Variants in CRTAC1 observed in about 807,000 individuals in gnomAD.
The protein encoded by CRTAC1 is cartilage acidic protein 1.
Under a neutral mutation model 67.8 loss-of-function variants are expected in CRTAC1, and 37 were observed. The ratio of observed to expected loss-of-function variants is 0.55; its 90% CI spans 0.42 to 0.72. CRTAC1 has a LOEUF of 0.72. Ranked by LOEUF, CRTAC1 falls within the 30% of genes least tolerant of loss-of-function variation. The pLI is 0.00. For missense variants in CRTAC1, 780 were observed against 931.6 expected (o/e 0.84, Z 2.12); for synonymous variants, 348 against 371.0 (o/e 0.94, Z 0.71).
intron 14 of CRTAC1, 72 bp downstream of exon 14, chr10:97,880,177 G>A: frequency 6.4e-7 from 1 of 1,554,258 alleles, no homozygotes; most frequent in South Asian, 1.2e-5. Context: ...CCTTGATCTG[G>A]GGCCTACCCA....
intron 11 of CRTAC1, among the ~76,000 whole-genome samples, chr10:97,890,121 T>C (rs938884457): frequency 1.6e-5 from 2 of 124,784 alleles, no homozygotes; most frequent in Non-Finnish European, 1.9e-5. Context: ...ACACACACTC[T>C]CACACGTGTA....
At position 97,901,652 on chromosome 10, in the gene CRTAC1, A is replaced by G. The variant is rs762728485; in HGVS notation, c.997-13T>C. 6.2e-6 allele frequency: 10 copies of G among 1,613,832 alleles called. No homozygotes were observed. Among genetic ancestry groups the G allele is most frequent in the Non-Finnish European group, 8.5e-6 (10 of 1,179,908 alleles). The stretch of plus-strand genomic sequence containing the variant: ...GTGAGGCGATGTCCTGGAGGAAACA[A>G]GGCTGGGGGTCAGTGGCAGGAGAGT... On this transcript the variant is annotated splice_polypyrimidine_tract_variant and intron_variant, in intron 7 of 14. Transcript: ENST00000370597.
chr10:98,010,370 G>A (rs545450728), intron 2 of CRTAC1, among the ~76,000 whole-genome samples: 5 of 152,246 alleles, frequency 3.3e-5, no homozygotes, highest in African/African-American at 1.2e-4. Context: ...AATGGTGATT[G>A]GCAGAAATTT....
chr10:98,001,816 G>A (rs984764908), intron 2 of CRTAC1, among the ~76,000 whole-genome samples: 5 of 152,218 alleles, frequency 3.3e-5, no homozygotes, highest in African/African-American at 1.2e-4. Context: ...TTTCCTTAGA[G>A]GGAAAATTAA....
At chr10:98,023,979 A>G (rs533059877) in intron 1 of CRTAC1, among the ~76,000 whole-genome samples, 2 of 152,364 alleles carry the variant, frequency 1.3e-5, no homozygotes, top group East Asian at 3.9e-4. Flanking sequence ...GGGAACTTCC[A>G]GCTCCCAGGC....
At chr10:98,024,033 A>C (rs551140849) in intron 1 of CRTAC1, among the ~76,000 whole-genome samples, 29 of 152,340 alleles carry the variant, frequency 1.9e-4, no homozygotes, top group Admixed American at 1.8e-3. Context: ...GCACAACATG[A>C]TGCTTCCTTT....
At chr10:97,915,010 G>A (rs1040390522) in intron 5 of CRTAC1, among the ~76,000 whole-genome samples, 4 of 151,832 alleles carry the variant, frequency 2.6e-5, no homozygotes, top group Non-Finnish European at 4.4e-5. Flanking sequence ...TCCCCCTCCC[G>A]CAGTGCTGAA....
At chr10:97,891,097 T>C (rs1388168160) in intron 11 of CRTAC1, among the ~76,000 whole-genome samples, 1 of 152,252 alleles carries the variant, frequency 6.6e-6, no homozygotes, top group Non-Finnish European at 1.5e-5. Flanking sequence ...TTCAGTTTTA[T>C]GTTTGGCACA....
chr10:97,891,538 C>A (rs980265671), intron 11 of CRTAC1, among the ~76,000 whole-genome samples: 1 of 152,274 alleles, frequency 6.6e-6, no homozygotes, highest in African/African-American at 2.4e-5. Context: ...GTGTCCAGAT[C>A]TGCCTTGCAT....
intron 2 of CRTAC1, among the ~76,000 whole-genome samples, chr10:98,004,310 C>A (rs1842744313): frequency 6.6e-6 from 1 of 152,212 alleles, no homozygotes; most frequent in Admixed American, 6.5e-5. Flanking sequence ...TTAATAGCAG[C>A]AGCTTCCTTT....
chr10:97,883,457 C>T (rs1436106699), intron 12 of CRTAC1, among the ~76,000 whole-genome samples: 5 of 152,288 alleles, frequency 3.3e-5, no homozygotes, highest in Non-Finnish European at 7.4e-5. Context: ...GGACTAAAAA[C>T]GTAACACACA....
At chr10:97,945,298 G>A (rs977751550) in intron 2 of CRTAC1, among the ~76,000 whole-genome samples, 10 of 152,096 alleles carry the variant, frequency 6.6e-5, no homozygotes, top group Admixed American at 1.3e-4. Context: ...TAAGAATACA[G>A]GGATCCCAGA....
chr10:97,945,291 G>A (rs2051246443), intron 2 of CRTAC1, among the ~76,000 whole-genome samples: 1 of 152,122 alleles, frequency 6.6e-6, no homozygotes, highest in Non-Finnish European at 1.5e-5. Flanking sequence ...AGGGTAATAA[G>A]AATACAGGGA....
At chr10:97,991,324 A>T (rs1842451159) in intron 2 of CRTAC1, among the ~76,000 whole-genome samples, 1 of 151,698 alleles carries the variant, frequency 6.6e-6, no homozygotes, top group Non-Finnish European at 1.5e-5. Flanking sequence ...GAGGAGAAAG[A>T]ATCACTTAAA....
At chr10:97,905,645 G>A (rs1238380711) in intron 6 of CRTAC1, among the ~76,000 whole-genome samples, 2 of 152,244 alleles carry the variant, frequency 1.3e-5, no homozygotes, top group South Asian at 2.1e-4. Flanking sequence ...GGTACACGCA[G>A]CATCTATCTC....
chr10:97,919,918 G>T (rs987789467), intron 4 of CRTAC1, among the ~76,000 whole-genome samples: 34 of 151,064 alleles, frequency 2.3e-4, no homozygotes, highest in South Asian at 1.5e-3. Context: ...TTTTTTTTTT[G>T]TTTGTTTGTT....
chr10:98,005,098 ATATTTTTTT>A (rs1451469518), intron 2 of CRTAC1, among the ~76,000 whole-genome samples: 6 of 38,210 alleles, frequency 1.6e-4, no homozygotes, highest in African/African-American at 6.5e-4. Flanking sequence ...ATATATATAT[ATATTTTTTT>A]TTTTTTTTTT....
At chr10:97,954,470 C>T (rs1353807982) in intron 2 of CRTAC1, among the ~76,000 whole-genome samples, 2 of 152,156 alleles carry the variant, frequency 1.3e-5, no homozygotes, top group Non-Finnish European at 2.9e-5. Context: ...GAGCAGTGAC[C>T]CAGATTCTGC....
rs746218337 is a variant in CRTAC1, at chr10:97,884,247, G to T, written c.1591C>A (p.Pro531Thr). The change falls in exon 12 of 15, where the codon CCC becomes ACC. Residue 531 changes from proline (P) to threonine (T), a missense_variant. Physicochemically the swap from Pro to Thr is conservative, Grantham distance 38. Transcript: ENST00000370597. ...TCCTGAAGTGTGTCCTCATCCCGGG[G>T]GTAGAGGATCTCCAGCACTGAGTTC... The part of the protein sequence containing the change: ...EMNSVLEILY[P>T]RDEDTLQDPA... 16 of 1,567,008 alleles carry T rather than the reference G, an allele frequency of 1.0e-5. No homozygotes were observed. Among genetic ancestry groups the T allele is most frequent in the Non-Finnish European group, 1.4e-5 (16 of 1,154,826 alleles).
Sources: gnomAD v4.1 joint callset for allele counts (sites outside exome capture counted in the v4.1 genomes callset) on GRCh38, gnomAD v4.1.1 for gene constraint, MANE v1.5 for transcripts, NCBI Gene and HGNC (gene_info 2026-07-23, HGNC 2026-07-21) for gene names.